The following COQ4 variants were observed in gnomAD, a reference collection of about 807,000 sequenced individuals.
COQ4 encodes coenzyme Q4.
In COQ4, 36 loss-of-function variants were observed where a neutral mutation model predicts 30.2. That is an observed-to-expected ratio of 1.19 (90% CI 0.91 to 1.57). The LOEUF is 1.57. Among genes scored for constraint, COQ4 ranks in the 40% most tolerant of loss-of-function variants. The pLI is 0.00. For synonymous variants in COQ4, 197 were observed against 161.0 expected, an observed-to-expected ratio of 1.22 and a Z score of -1.69; for missense variants, 369 against 371.9, an observed-to-expected ratio of 0.99 and a Z score of 0.07.
intron 4 of COQ4, among the ~76,000 whole-genome samples, chr9:128,330,241 C>CACGT (rs1832383205): frequency 6.6e-6 from 1 of 150,852 alleles, no homozygotes; most frequent in Non-Finnish European, 1.5e-5. Context: ...GGTGTAGTGG[C>CACGT]ACGTGCCTGT....
At position 128,333,720 on chromosome 9, in the gene COQ4, A is replaced by G; in HGVS notation, c.*75A>G. 1 of 1,269,400 alleles carries G rather than the reference A, an allele frequency of 7.9e-7. No individual in the cohort carries two copies. Among genetic ancestry groups the G allele is most frequent in the Non-Finnish European group, 1.1e-6 (1 of 951,260 alleles). The allele number at this position is 1,269,400 out of a possible 1,614,324, so 78.6% of individuals were successfully genotyped here. ...TTGGAGGCAGAGGGCTCCCTTGACT[A>G]CCTTTGTTCCTCTTCTTTGAACACT... On this transcript the variant is annotated 3_prime_UTR_variant, in exon 7 of 7. Coordinates refer to ENST00000300452, the MANE Select transcript of COQ4 (RefSeq NM_016035.5).
rs769105398 is a variant in COQ4 at position 128,325,216 on chromosome 9, T to C, written c.276T>C (p.Asp92=). 1.2e-6 allele frequency: 2 copies of C among 1,614,010 alleles called. No individual in the cohort carries two copies. Among genetic ancestry groups the C allele is most frequent in the Non-Finnish European group, 1.7e-6 (2 of 1,179,900 alleles). ...TCCTCAGGGACCAGATGAGGAGGGA[T>C]CCAGAGGGTGCCCAGATCCTGCAGT... The part of the protein sequence containing the change: ...LKVLRDQMRR[D]PEGAQILQER... The change falls in exon 3 of 7, where the codon GAT becomes GAC. Residue 92 remains aspartate, a synonymous_variant. Transcript: ENST00000300452.
chr9:128,333,040 C>A (rs1832441637), intron 6 of COQ4, 97 bp downstream of exon 6: 5 of 871,312 alleles, frequency 5.7e-6, no homozygotes, highest in Non-Finnish European at 9.7e-6. Context: ...AGCACACGGG[C>A]CCCTGCACAG....
intron 2 of COQ4, among the ~76,000 whole-genome samples, chr9:128,324,492 C>T (rs1217790123): frequency 1.3e-5 from 2 of 152,140 alleles, no homozygotes; most frequent in African/African-American, 4.8e-5. Context: ...GTTGTCTGCA[C>T]TTCACAAATT....
chr9:128,332,683 C>T (rs1266865113), intron 5 of COQ4, 167 bp from the exon 6 acceptor site: 2 of 656,386 alleles, frequency 3.0e-6, no homozygotes, highest in Non-Finnish European at 2.8e-6. Context: ...TGGGCTCTCT[C>T]CTGTACTCCA....
Position 128,323,139 on chromosome 9 carries a change from A to T in COQ4, c.194A>T (p.Tyr65Phe). The T allele has an allele frequency of 6.3e-7, 1 of 1,598,816 alleles. No individual in the cohort carries two copies. Among genetic ancestry groups the T allele is most frequent in the Non-Finnish European group, 8.5e-7 (1 of 1,175,224 alleles). The change falls in exon 2 of 7, where the codon TAC becomes TTC. Residue 65 changes from tyrosine (Y) to phenylalanine (F), a missense_variant. Physicochemically the swap from Tyr to Phe is conservative, Grantham distance 22. Transcript: ENST00000300452. ...GCGGCGATGGCGCTCTATAACCCCTACCGCCACGGTAAGGCCGCCCGCGCC... is the reference window on the plus strand; with the variant it reads ...GCGGCGATGGCGCTCTATAACCCCTTCCGCCACGGTAAGGCCGCCCGCGCC... ...GSAAMALYNP[Y>F]RHDMVAVLGE... is the part of the protein sequence containing the mutation.
chr9:128,326,678 C>T (rs924252958), intron 4 of COQ4, among the ~76,000 whole-genome samples: 1 of 152,118 alleles, frequency 6.6e-6, no homozygotes, highest in Admixed American at 6.5e-5. Context: ...CTCCTGACCA[C>T]GTGATCCGCC....
At chr9:128,333,041 C>T (rs1187857677) in intron 6 of COQ4, 98 bp downstream of exon 6, 6 of 837,524 alleles carry the variant, frequency 7.2e-6, no homozygotes, top group Admixed American at 5.7e-5. Flanking sequence ...GCACACGGGC[C>T]CCTGCACAGC....
Position 128,333,417 on chromosome 9 carries a change from A to T in COQ4, c.627-57A>T, listed in dbSNP as rs754367956. On this transcript the variant is annotated intron_variant, in intron 6 of 6. Coordinates refer to ENST00000300452, the MANE Select transcript of COQ4 (RefSeq NM_016035.5). ...CTGAGAAAATGCACAAGTGCCGAGC[A>T]GTCGAGTGCCTGGCCCCAGGGACTT... 12 of 1,407,386 alleles carry T rather than the reference A, an allele frequency of 8.5e-6. No homozygotes were observed. In the South Asian group the frequency reaches 1.3e-4, roughly 15 times the overall value. The allele number at this position is 1,407,386 out of a possible 1,614,324, so 87.2% of individuals were successfully genotyped here.
intron 6 of COQ4, 80 bp downstream of exon 6, chr9:128,333,023 T>C: frequency 9.5e-7 from 1 of 1,048,562 alleles, no homozygotes; most frequent in Non-Finnish European, 1.5e-6. Context: ...CTCTTAGAAG[T>C]AGGAAGAGCA....
rs753852424 is a variant in COQ4 at position 128,332,845 on chromosome 9, C to T, written c.533-5C>T. 1 of 1,611,164 alleles carries T rather than the reference C, an allele frequency of 6.2e-7. No homozygotes were observed. The highest frequency in any genetic ancestry group is 8.5e-7 in the Non-Finnish European group (1 of 1,177,246). On this transcript the variant is annotated splice_region_variant and splice_polypyrimidine_tract_variant and intron_variant, in intron 5 of 6. Coordinates refer to ENST00000300452, the MANE Select transcript of COQ4 (RefSeq NM_016035.5). ...TTCACCTCCCAACACATCCCTCACC[C>T]ACAGGGGAGATCGTGGTGAAATGGT...
chr9:128,331,537 G>A (rs1253561324), intron 4 of COQ4: 2 of 152,184 alleles, frequency 1.3e-5, no homozygotes, highest in Non-Finnish European at 2.9e-5. Context: ...AGCAAGTTAT[G>A]CTAGGATCAG....
At chr9:128,328,102 A>G (rs1309990294) in intron 4 of COQ4, among the ~76,000 whole-genome samples, 2 of 152,224 alleles carry the variant, frequency 1.3e-5, no homozygotes, top group South Asian at 4.1e-4. Flanking sequence ...AGGAAAAGGA[A>G]GGTTGACCAG....
intron 4 of COQ4, 160 bp downstream of exon 4, chr9:128,326,041 A>G: frequency 3.0e-6 from 2 of 667,256 alleles, no homozygotes. Context: ...GGGATAGGCA[A>G]ATGGGTGGGA....
In COQ4 at chr9:128,327,807, T is replaced by TA. The variant is rs199926522; in HGVS notation, c.402+1934dup. ...ACAGAGCAAGACTCTGTCTCAAAAA[T>TA]AAAAAAAAGTATACCAGCACTATTG... On this transcript the variant is annotated intron_variant, in intron 4 of 6. Coordinates refer to ENST00000300452, the MANE Select transcript of COQ4 (RefSeq NM_016035.5). 5.9e-3 allele frequency among the ~76,000 whole-genome samples: 892 copies of TA among 151,644 alleles called. 5 individuals carry two copies. The highest frequency in any genetic ancestry group is 9.0e-3 in the Non-Finnish European group (608 of 67,844).
At chr9:128,325,049 C>A in intron 2 of COQ4, 94 bp from the exon 3 acceptor site, 1 of 810,468 alleles carries the variant, frequency 1.2e-6, no homozygotes, top group South Asian at 1.6e-5. Flanking sequence ...AGACATCATC[C>A]CTAATTTATC....
At chr9:128,332,432 G>C (rs1340615451) in intron 5 of COQ4, 150 bp downstream of exon 5, 1 of 823,992 alleles carries the variant, frequency 1.2e-6, no homozygotes, top group African/African-American at 1.7e-5. Flanking sequence ...TTTGCCACAT[G>C]TCCCCCTTCT....
chr9:128,325,199 G>A lies in COQ4; in HGVS notation c.259G>A (p.Asp87Asn), dbSNP rs1359849953. 4 of 1,614,154 alleles carry A rather than the reference G, an allele frequency of 2.5e-6. No homozygotes were observed. Among genetic ancestry groups the A allele is most frequent in the Non-Finnish European group, 3.4e-6 (4 of 1,180,008 alleles). ...TGHRTLKVLR[D>N]QMRRDPEGAQ... ...ACACCGCACCCTGAAGGTCCTCAGG[G>A]ACCAGATGAGGAGGGATCCAGAGGG... The change falls in exon 3 of 7, where the codon GAC becomes AAC. Residue 87 changes from aspartate (D) to asparagine (N), a missense_variant. Asp to Asn is a conservative substitution (Grantham distance 23). Transcript: ENST00000300452.
intron 6 of COQ4, among the ~76,000 whole-genome samples, chr9:128,333,148 T>C (rs1832443042): frequency 6.6e-6 from 1 of 152,124 alleles, no homozygotes; most frequent in African/African-American, 2.4e-5. Flanking sequence ...ATAAAGCCTG[T>C]ACATTTCACA....
Sources: gnomAD v4.1 joint callset for allele counts (sites outside exome capture counted in the v4.1 genomes callset) on GRCh38, gnomAD v4.1.1 for gene constraint, MANE v1.5 for transcripts, NCBI Gene and HGNC (gene_info 2026-07-23, HGNC 2026-07-21) for gene names.